PRPF18: variants seen among roughly 807,000 people sequenced by gnomAD.
PRPF18 encodes the protein pre-mRNA processing factor 18.
A neutral mutation model predicts 46.5 loss-of-function variants in PRPF18; 38 were observed. The observed-to-expected ratio is 0.82, with a 90% CI of 0.63 to 1.07. The LOEUF is 1.07. PRPF18 is among the 50% of genes least tolerant of loss of function. The pLI is 0.00. For synonymous variants in PRPF18, 152 were observed against 146.7 expected (o/e 1.04, Z -0.26); for missense variants, 263 against 410.0 (o/e 0.64, Z 3.10).
chr10:13,648,702 C>T, the PRPF18 span: 1 of 152,188 alleles, frequency 6.6e-6, no homozygotes, highest in Non-Finnish European at 1.5e-5. Context: ...TCGGCTGGTA[C>T]ACGCTTTTGT....
chr10:13,636,445 A>G, the PRPF18 span, among the ~76,000 whole-genome samples: 1 of 152,162 alleles, frequency 6.6e-6, no homozygotes, highest in African/African-American at 2.4e-5. Flanking sequence ...TTAATTAAGT[A>G]TAAGATAGGT....
At chr10:13,637,619 C>A in the PRPF18 span, among the ~76,000 whole-genome samples, 1 of 152,180 alleles carries the variant, frequency 6.6e-6, no homozygotes, top group Non-Finnish European at 1.5e-5. Flanking sequence ...GGTGGCCACC[C>A]TTTGTGCCAG....
At chr10:13,605,579 CAAAAAAAAAAA>C in intron 3 of PRPF18, 41 bp from the exon 4 acceptor site, 1 of 1,111,610 alleles carries the variant, frequency 9.0e-7, no homozygotes, top group Non-Finnish European at 1.1e-6. Flanking sequence ...GAGACTGTCT[CAAAAAAAAAAA>C]AAAAAAAAAA....
chr10:13,627,569 G>A (rs2080526460), intron 9 of PRPF18, among the ~76,000 whole-genome samples: 2 of 152,158 alleles, frequency 1.3e-5, no homozygotes, highest in African/African-American at 2.4e-5. Context: ...GGAAAATAAC[G>A]ATATTCTGTC....
chr10:13,639,720 G>A, the PRPF18 span: 1 of 152,296 alleles, frequency 6.6e-6, no homozygotes, highest in South Asian at 2.1e-4. Flanking sequence ...AGGGGCGCTG[G>A]TTGTGAGGCT....
At chr10:13,638,796 C>T in the PRPF18 span, 1 of 152,194 alleles carries the variant, frequency 6.6e-6, no homozygotes, top group Non-Finnish European at 1.5e-5. Flanking sequence ...CAAAAACACC[C>T]TCACAGATAC....
chr10:13,626,795 A>G (rs1214462043), intron 9 of PRPF18, among the ~76,000 whole-genome samples: 1 of 114,312 alleles, frequency 8.7e-6, no homozygotes, highest in Non-Finnish European at 1.9e-5. Flanking sequence ...TGATACAAGA[A>G]TCGTGTGATT....
intron 8 of PRPF18, among the ~76,000 whole-genome samples, chr10:13,615,593 T>A (rs2080327340): frequency 6.6e-6 from 1 of 152,232 alleles, no homozygotes; most frequent in South Asian, 2.1e-4. Flanking sequence ...CATAGGTGTC[T>A]GATTTTTTTA....
the PRPF18 span, chr10:13,655,359 T>A: frequency 5.3e-5 from 8 of 151,818 alleles, no homozygotes; most frequent in Admixed American, 6.5e-5. Context: ...TTACAAAACG[T>A]TGGTTCTTTA....
At chr10:13,639,641 C>T in the PRPF18 span, 2 of 152,096 alleles carry the variant, frequency 1.3e-5, no homozygotes, top group Non-Finnish European at 2.9e-5. Context: ...ATTTTAGAAC[C>T]TGTTAGTTCA....
At chr10:13,587,650 C>T (rs886288156) in intron 1 of PRPF18, among the ~76,000 whole-genome samples, 2 of 152,234 alleles carry the variant, frequency 1.3e-5, no homozygotes, top group Non-Finnish European at 2.9e-5. Flanking sequence ...TCTTTAGCCA[C>T]AGACCGAACC....
In PRPF18 at chr10:13,611,814, T is replaced by G. The variant is rs192100912; in HGVS notation, c.579+131T>G. On this transcript the variant is annotated intron_variant, in intron 6 of 9. Coordinates refer to ENST00000378572, the MANE Select transcript of PRPF18 (RefSeq NM_003675.4). ...CACATTTCTCACACATACATGATGT[T>G]TATGATATCACTATGCACTTGATGT... is the stretch of plus-strand genomic sequence containing the variant. 5.9e-5 allele frequency: 41 copies of G among 694,328 alleles called. No homozygotes were observed. In the East Asian group the frequency reaches 1.0e-3, roughly 17 times the overall value. The allele number at this position is 694,328 out of a possible 1,614,324, so 43.0% of individuals were successfully genotyped here.
the PRPF18 span, chr10:13,647,263 G>A: frequency 6.6e-6 from 1 of 152,284 alleles, no homozygotes; most frequent in Non-Finnish European, 1.5e-5. Context: ...ATTTGTGAAG[G>A]AGGAAAATGG....
chr10:13,592,850 G>A (rs1203632386), intron 1 of PRPF18, among the ~76,000 whole-genome samples: 1 of 152,132 alleles, frequency 6.6e-6, no homozygotes, highest in Non-Finnish European at 1.5e-5. Flanking sequence ...TTTCCTATAT[G>A]CAAGATACTA....
intron 3 of PRPF18, among the ~76,000 whole-genome samples, chr10:13,602,570 A>T (rs1390579658): frequency 2.6e-5 from 4 of 151,696 alleles, no homozygotes. Context: ...TAAGAGTTAA[A>T]CAAAGATATA....
chr10:13,634,873 A>AT (rs201406918), downstream of PRPF18, among the ~76,000 whole-genome samples: 181 of 150,540 alleles, frequency 1.2e-3, 3 homozygotes, highest in East Asian at 0.027. Context: ...AAAACCACTG[A>AT]TTTTTTTTTT....
rs576413535 is a variant in PRPF18 at position 13,619,966 on chromosome 10, C to G, written c.948+3413C>G. 2.6e-5 allele frequency among the ~76,000 whole-genome samples: 4 copies of G among 151,898 alleles called. No homozygotes were observed. The East Asian group carries it at 7.8e-4, about 30-fold the overall frequency. Reference sequence around the variant, plus strand: ...TGTGTCTTAAACCCATAGTGTAACTCAAGCAGAAGAATGCGGCCACCCTAT... The same window carrying G: ...TGTGTCTTAAACCCATAGTGTAACTGAAGCAGAAGAATGCGGCCACCCTAT... On this transcript the variant is annotated intron_variant, in intron 9 of 9. Transcript: ENST00000378572.
In PRPF18 at chr10:13,600,369, T is replaced by C. The variant is rs1307502989; in HGVS notation, c.249+21T>C. The stretch of plus-strand genomic sequence containing the variant: ...AAGAGGTAAGTTTATTTGTGATGGT[T>C]TCATGAGAATAAGATCTCCACGGTG... On this transcript the variant is annotated intron_variant, in intron 3 of 9. Transcript: ENST00000378572. The C allele has an allele frequency of 1.9e-6, 3 of 1,546,306 alleles. No homozygotes were observed. In the South Asian group the frequency reaches 3.4e-5, roughly 17 times the overall value.
chr10:13,650,905 C>G, the PRPF18 span, among the ~76,000 whole-genome samples: 1 of 151,892 alleles, frequency 6.6e-6, no homozygotes, highest in Non-Finnish European at 1.5e-5. Flanking sequence ...TCGAAAGTGA[C>G]CCCCTCATTT....
Sources: allele counts gnomAD v4.1 joint callset (sites outside exome capture counted in the v4.1 genomes callset), GRCh38; gene constraint gnomAD v4.1.1; transcripts MANE v1.5; gene names NCBI Gene and HGNC (gene_info 2026-07-23, HGNC 2026-07-21).